The following TCERG1L variants were observed in gnomAD, a reference collection of about 807,000 sequenced individuals.
TCERG1L encodes transcription elongation regulator 1-like protein.
Under a neutral mutation model 56.3 loss-of-function variants are expected in TCERG1L, and 37 were observed. The ratio of observed to expected loss-of-function variants is 0.66; its 90% CI spans 0.51 to 0.87. The LOEUF is 0.87. TCERG1L is among the 40% of genes least tolerant of loss of function. The pLI is 0.00. For missense variants in TCERG1L, 799 were observed against 774.2 expected, an observed-to-expected ratio of 1.03 and a Z score of -0.38; for synonymous variants, 324 against 326.3, an observed-to-expected ratio of 0.99 and a Z score of 0.08.
At chr10:131,285,735 A>G (rs965392006) in intron 3 of TCERG1L, among the ~76,000 whole-genome samples, 1 of 152,216 alleles carries the variant, frequency 6.6e-6, no homozygotes, top group Non-Finnish European at 1.5e-5. Context: ...ATTTAACATT[A>G]TAACAGTTTA....
chr10:131,163,361 G>A (rs529040405), intron 5 of TCERG1L, among the ~76,000 whole-genome samples, 151 bp from the exon 6 acceptor site: 174 of 152,324 alleles, frequency 1.1e-3, no homozygotes, highest in Non-Finnish European at 2.2e-3. Flanking sequence ...GCGCCTGGCT[G>A]GGAGGTTCTG....
intron 3 of TCERG1L, among the ~76,000 whole-genome samples, chr10:131,274,039 G>A (rs575839421): frequency 2.6e-5 from 4 of 152,198 alleles, no homozygotes; most frequent in African/African-American, 9.6e-5. Context: ...GAGGAACGGG[G>A]CCTGGGCGTG....
chr10:131,188,952 A>G (rs916338276), intron 4 of TCERG1L, among the ~76,000 whole-genome samples: 1 of 152,196 alleles, frequency 6.6e-6, no homozygotes, highest in Admixed American at 6.5e-5. Context: ...CTGTACACAA[A>G]TGAACCATAG....
chr10:131,149,669 T>C (rs1438958555), intron 6 of TCERG1L, among the ~76,000 whole-genome samples: 1 of 152,198 alleles, frequency 6.6e-6, no homozygotes, highest in Non-Finnish European at 1.5e-5. Context: ...GAGCCTATTA[T>C]TAGCTCCCCA....
At chr10:131,133,185 G>A (rs534250160) in intron 8 of TCERG1L, among the ~76,000 whole-genome samples, 3 of 152,286 alleles carry the variant, frequency 2.0e-5, no homozygotes, top group African/African-American at 7.2e-5. Context: ...CTCAAGCCCA[G>A]CTCTTGCTCC....
intron 4 of TCERG1L, among the ~76,000 whole-genome samples, chr10:131,223,204 GA>G (rs1406066120): frequency 7.9e-5 from 12 of 152,206 alleles, no homozygotes; most frequent in Non-Finnish European, 1.6e-4. Context: ...GCAGCCGCTG[GA>G]CTGTGCAGCC....
intron 4 of TCERG1L, among the ~76,000 whole-genome samples, chr10:131,236,601 A>G (rs1211886568): frequency 6.6e-6 from 1 of 152,208 alleles, no homozygotes; most frequent in East Asian, 1.9e-4. Context: ...TAAAAATGAC[A>G]TCTATTCGAT....
intron 3 of TCERG1L, among the ~76,000 whole-genome samples, chr10:131,298,263 T>C (rs768236435): frequency 6.6e-6 from 1 of 152,306 alleles, no homozygotes; most frequent in East Asian, 1.9e-4. Flanking sequence ...TTTCATTCTA[T>C]TCAAAATATT....
chr10:131,238,592 T>C (rs1845939443), intron 4 of TCERG1L, among the ~76,000 whole-genome samples: 1 of 152,202 alleles, frequency 6.6e-6, no homozygotes, highest in Non-Finnish European at 1.5e-5. Context: ...ATTGGGAACC[T>C]TCCTCCATGT....
At chr10:131,176,442 A>T (rs1846151296) in intron 4 of TCERG1L, among the ~76,000 whole-genome samples, 1 of 151,542 alleles carries the variant, frequency 6.6e-6, no homozygotes. Context: ...ACACAGAGAT[A>T]CGTGTACACA....
chr10:131,115,281 G>T (rs1318724106), intron 9 of TCERG1L, among the ~76,000 whole-genome samples: 1 of 152,180 alleles, frequency 6.6e-6, no homozygotes, highest in African/African-American at 2.4e-5. Context: ...GCCCCTCGGG[G>T]CAGGGCTAGA....
chr10:131,294,476 G>A (rs1346848268), intron 3 of TCERG1L, among the ~76,000 whole-genome samples: 1 of 152,156 alleles, frequency 6.6e-6, no homozygotes, highest in Non-Finnish European at 1.5e-5. Flanking sequence ...AAAGCAACCT[G>A]GAAATGTTCC....
At chr10:131,216,820 A>G (rs1845674363) in intron 4 of TCERG1L, among the ~76,000 whole-genome samples, 1 of 152,192 alleles carries the variant, frequency 6.6e-6, no homozygotes, top group African/African-American at 2.4e-5. Context: ...GGAGCCCCCC[A>G]GCTGTCCGCA....
chr10:131,228,024 GC>G (rs1461223685), intron 4 of TCERG1L, among the ~76,000 whole-genome samples: 1 of 143,876 alleles, frequency 7.0e-6, no homozygotes, highest in South Asian at 2.3e-4. Flanking sequence ...TCCTTGCCCA[GC>G]CCCCCTCTCC....
chr10:131,294,866 G>T (rs1340925657), intron 3 of TCERG1L, among the ~76,000 whole-genome samples: 1 of 151,220 alleles, frequency 6.6e-6, no homozygotes, highest in Admixed American at 6.6e-5. Flanking sequence ...ATGCACTCAG[G>T]TGCTATTTAC....
rs1195128998 is a variant in TCERG1L at position 131,157,316 on chromosome 10, G to T, written c.1034+5806C>A. On this transcript the variant is annotated intron_variant, in intron 6 of 11. Coordinates refer to ENST00000368642, the MANE Select transcript of TCERG1L (RefSeq NM_174937.4). ...TCTGAATTTGTTTAGAAAATAATAT[G>T]TTAAAACCAATATTTAATATATATT... Among the ~76,000 whole-genome samples, 5 of 152,204 alleles carry T rather than the reference G, an allele frequency of 3.3e-5. No individual in the cohort carries two copies. In the East Asian group the frequency reaches 5.8e-4, roughly 18 times the overall value.
At chr10:131,263,518 T>A (rs1446034632) in intron 3 of TCERG1L, among the ~76,000 whole-genome samples, 3 of 152,208 alleles carry the variant, frequency 2.0e-5, no homozygotes, top group Non-Finnish European at 4.4e-5. Context: ...ACTTCCTTTA[T>A]CATTACATGG....
chr10:131,158,911 T>C (rs1361779905), intron 6 of TCERG1L, among the ~76,000 whole-genome samples: 1 of 152,210 alleles, frequency 6.6e-6, no homozygotes, highest in Non-Finnish European at 1.5e-5. Context: ...TCTGCGGCCA[T>C]GCCTGCTCAC....
chr10:131,093,063 G>C lies in TCERG1L; in HGVS notation c.*99C>G. 1.5e-6 allele frequency: 2 copies of C among 1,341,598 alleles called. No homozygotes were observed. The highest frequency in any genetic ancestry group is 2.0e-6 in the Non-Finnish European group (2 of 986,158). 83.1% of individuals were successfully genotyped at this position (1,341,598 alleles called of 1,614,324 possible). ...TGCCGGTGCCCGCTGGGCCGTGCAG[G>C]TCTCGGCCGCCCCACGCCCGTGTCC... On this transcript the variant is annotated 3_prime_UTR_variant, in exon 12 of 12. Coordinates refer to ENST00000368642, the MANE Select transcript of TCERG1L (RefSeq NM_174937.4).
Sources: allele counts gnomAD v4.1 joint callset (sites outside exome capture counted in the v4.1 genomes callset), GRCh38; gene constraint gnomAD v4.1.1; transcripts MANE v1.5; gene names NCBI Gene and HGNC (gene_info 2026-07-23, HGNC 2026-07-21).